SNRNP70: variants seen among roughly 807,000 people sequenced by gnomAD.
The protein encoded by SNRNP70 is U1 small nuclear ribonucleoprotein 70 kDa.
SNRNP70 carries 8 observed loss-of-function variants against 50.5 expected under a neutral mutation model. That is an observed-to-expected ratio of 0.16 (90% CI 0.09 to 0.29). The LOEUF (loss-of-function observed/expected upper bound fraction) is 0.29. Ranked by LOEUF, SNRNP70 falls within the 10% of genes least tolerant of loss-of-function variation. The pLI is 1.00. For missense variants in SNRNP70, 529 were observed against 663.5 expected, an observed-to-expected ratio of 0.80 and a Z score of 2.23; for synonymous variants, 320 against 252.9, an observed-to-expected ratio of 1.27 and a Z score of -2.52.
rs763328294 is a variant in SNRNP70 at position 49,108,433 on chromosome 19, C to T, written c.1304C>T (p.Ala435Val). 6.9e-6 allele frequency: 11 copies of T among 1,602,264 alleles called. No homozygotes were observed. The highest frequency in any genetic ancestry group is 1.7e-4 in the Middle Eastern group (1 of 6,056). ...GAGAATGGGTATTTGATGGAGGCTG[C>T]GCCGGAGTGAAGAGGTCGTCCTCTC... The part of the protein sequence containing the change: ...APENGYLMEA[A>V]PE Residue 435 changes from alanine to valine, a missense_variant, in exon 10 of 10, where the codon GCG becomes GTG. Ala to Val is a moderately conservative substitution (Grantham distance 64, BLOSUM62 0). Coordinates refer to ENST00000598441, the MANE Select transcript of SNRNP70 (RefSeq NM_003089.6).
In SNRNP70 at chr19:49,104,587, A is replaced by G; in HGVS notation, c.476-47A>G. 1 of 1,417,652 alleles carries G rather than the reference A, an allele frequency of 7.1e-7. No individual in the cohort carries two copies. 87.8% of individuals were successfully genotyped at this position (1,417,652 alleles called of 1,614,324 possible). A position where few individuals can be genotyped will look rare whatever the true frequency, so the allele number is the denominator to read the frequency against. ...GAGCTGGGCCTGTCCTGACTAGAGG[A>G]CCCTCTGGGGACTCCTCTCCCCTCC... On this transcript the variant is annotated intron_variant, in intron 7 of 9. Coordinates refer to ENST00000598441, the MANE Select transcript of SNRNP70 (RefSeq NM_003089.6). The surrounding 1 kb of genome is among the most constrained non-coding windows in gnomAD (Gnocchi z 5.4).
rs1173328838 is a variant in SNRNP70, at chr19:49,107,858, G to A, written c.729G>A (p.Glu243=). 6 of 1,561,876 alleles carry A rather than the reference G, an allele frequency of 3.8e-6. No individual in the cohort carries two copies. The African/African-American group carries it at 6.8e-5, about 18-fold the overall frequency. The change falls in exon 10 of 10, where the codon GAG becomes GAA. Residue 243 remains glutamate (E), a synonymous_variant. Transcript: ENST00000598441. The surrounding 1 kb of genome is among the most constrained non-coding windows in gnomAD (Gnocchi z 6.0). ...GGGACCGTGAGCGGGAGCGCAGAGA[G>A]CGGAGCCGGGAGCGAGACAAGGAGC... ...RDRDRERERR[E]RSRERDKERE...
chr19:49,089,820 G>A (rs1427913957), intron 2 of SNRNP70, among the ~76,000 whole-genome samples: 3 of 151,214 alleles, frequency 2.0e-5, no homozygotes, highest in East Asian at 3.9e-4. Flanking sequence ...CCACCACCAC[G>A]CCCGGCTAAT....
chr19:49,088,590 G>A (rs774180343), intron 2 of SNRNP70, among the ~76,000 whole-genome samples: 2 of 148,676 alleles, frequency 1.3e-5, no homozygotes, highest in African/African-American at 2.5e-5. Flanking sequence ...TCCACCTCCC[G>A]GGTTCAAAGG....
At chr19:49,099,067 G>T (rs1370692827) in intron 6 of SNRNP70, among the ~76,000 whole-genome samples, 1 of 152,198 alleles carries the variant, frequency 6.6e-6, no homozygotes, top group East Asian at 1.9e-4. Flanking sequence ...TACTCTCTGG[G>T]TCTTGGCAGA....
intron 6 of SNRNP70, among the ~76,000 whole-genome samples, chr19:49,099,095 C>T (rs1600283199): frequency 2.0e-5 from 3 of 152,118 alleles, no homozygotes; most frequent in East Asian, 1.9e-4. Flanking sequence ...TGCTGAGTCC[C>T]GTTTTAGAGG....
In SNRNP70 at chr19:49,107,736, T is replaced by G. The variant is rs747354820; in HGVS notation, c.665+24T>G. 1.2e-6 allele frequency: 2 copies of G among 1,613,332 alleles called. No homozygotes were observed. The highest frequency in any genetic ancestry group is 8.5e-7 in the Non-Finnish European group (1 of 1,179,750). On this transcript the variant is annotated intron_variant, in intron 9 of 9. Coordinates refer to ENST00000598441, the MANE Select transcript of SNRNP70 (RefSeq NM_003089.6). This position sits in a 1 kb window ranked among gnomAD's most constrained non-coding sequence, Gnocchi z 6.0. ...AGGTAAGATTGGGCGACCGGTGTCCTGGGGTGGGGGGCGGTCACGGGGGGA... is the reference window on the plus strand; with the variant it reads ...AGGTAAGATTGGGCGACCGGTGTCCGGGGGTGGGGGGCGGTCACGGGGGGA...
At chr19:49,093,853 AAAAC>A (rs767220973) in intron 4 of SNRNP70, among the ~76,000 whole-genome samples, 35 of 150,150 alleles carry the variant, frequency 2.3e-4, no homozygotes, top group African/African-American at 8.6e-4. Context: ...AACAAAAACA[AAAAC>A]AAAAACAAAA....
intron 2 of SNRNP70, among the ~76,000 whole-genome samples, 196 bp downstream of exon 2, chr19:49,086,757 C>T (rs1321952532): frequency 6.6e-6 from 1 of 152,038 alleles, no homozygotes; most frequent in Non-Finnish European, 1.5e-5. Context: ...GTAGTCTCAG[C>T]TACTCAGGAG....
At position 49,108,045 on chromosome 19, in the gene SNRNP70, AAGG is replaced by A. The variant is rs2040700044; in HGVS notation, c.922_924del (p.Glu308del). ...GCGGGCCCGGCGGGAGCGGGAGCGCAAGGAGGAGCTGCGTGGCGGCGGTGGCGA... is the reference window on the plus strand; with the variant it reads ...GCGGGCCCGGCGGGAGCGGGAGCGCAAGGAGCTGCGTGGCGGCGGTGGCGA... On this transcript the variant is annotated inframe_deletion, in exon 10 of 10. Transcript: ENST00000598441. 6.5e-7 allele frequency: 1 copy of A among 1,550,154 alleles called. No individual in the cohort carries two copies. The highest frequency in any genetic ancestry group is 8.7e-7 in the Non-Finnish European group (1 of 1,147,760).
chr19:49,098,066 C>T (rs1267073965), intron 4 of SNRNP70, among the ~76,000 whole-genome samples: 1 of 152,206 alleles, frequency 6.6e-6, no homozygotes, highest in Non-Finnish European at 1.5e-5. Context: ...CCAGGGAGGC[C>T]CAGTTGGGCT....
intron 8 of SNRNP70, among the ~76,000 whole-genome samples, chr19:49,105,088 G>T (rs147598110): frequency 6.6e-6 from 1 of 152,030 alleles, no homozygotes; most frequent in Non-Finnish European, 1.5e-5. Context: ...TGGCAGTGAC[G>T]CATGCTGGGG....
chr19:49,104,790 G>A lies in SNRNP70; in HGVS notation c.577+55G>A, dbSNP rs1318837162. 2 of 1,158,630 alleles carry A rather than the reference G, an allele frequency of 1.7e-6. No individual in the cohort carries two copies. Among genetic ancestry groups the A allele is most frequent in the African/African-American group, 1.6e-5 (1 of 64,056 alleles). The allele number at this position is 1,158,630 out of a possible 1,614,324, so 71.8% of individuals were successfully genotyped here. On this transcript the variant is annotated intron_variant, in intron 8 of 9. Transcript: ENST00000598441. This position sits in a 1 kb window ranked among gnomAD's most constrained non-coding sequence, Gnocchi z 5.4. ...CGGGGGCCCTGGGCCTGGTGGCCTT[G>A]TTCTCCCTTCTCTGCTGCTTTCTGC...
At chr19:49,089,365 A>G (rs1682285340) in intron 2 of SNRNP70, among the ~76,000 whole-genome samples, 1 of 151,976 alleles carries the variant, frequency 6.6e-6, no homozygotes, top group African/African-American at 2.4e-5. Context: ...AGAGACGGGC[A>G]CAGGGGGGAA....
chr19:49,090,029 T>C (rs1265193980), intron 2 of SNRNP70, among the ~76,000 whole-genome samples: 1 of 152,058 alleles, frequency 6.6e-6, no homozygotes, highest in African/African-American at 2.4e-5. Flanking sequence ...CAGGCTGGTC[T>C]GAAACCCCTA....
Position 49,108,103 on chromosome 19 carries a change from C to T in SNRNP70, c.974C>T (p.Ala325Val), listed in dbSNP as rs773466678. The T allele has an allele frequency of 1.6e-5, 25 of 1,549,386 alleles. No homozygotes were observed. Among genetic ancestry groups the T allele is most frequent in the South Asian group, 6.0e-5 (5 of 83,490 alleles). Residue 325 changes from alanine (A) to valine (V), a missense_variant, in exon 10 of 10, where the codon GCG becomes GTG. This residue lies in a region of SNRNP70 where 327 missense variants were observed against 308.8 expected (regional missense o/e 1.06). Coordinates refer to ENST00000598441, the MANE Select transcript of SNRNP70 (RefSeq NM_003089.6). ...GCGGAGCCCTCCGAGGCGGGTGACG[C>T]GCCCCCTGATGATGGGCCTCCAGGG... ...DMAEPSEAGD[A>V]PPDDGPPGEL...
chr19:49,092,295 G>A (rs558015161), intron 4 of SNRNP70, among the ~76,000 whole-genome samples: 1 of 151,792 alleles, frequency 6.6e-6, no homozygotes, highest in African/African-American at 2.4e-5. Flanking sequence ...TTTTAGTAGA[G>A]GCGGGGTTTC....
Position 49,107,576 on chromosome 19 carries a change from GGCCCTGTCCCT to G in SNRNP70, c.578-44_578-34del, listed in dbSNP as rs1193209361. The G allele has an allele frequency of 1.3e-6, 2 of 1,573,946 alleles. No individual in the cohort carries two copies. Among genetic ancestry groups the G allele is most frequent in the South Asian group, 2.2e-5 (2 of 90,302 alleles). On this transcript the variant is annotated intron_variant, in intron 8 of 9. Transcript: ENST00000598441. The surrounding 1 kb of genome is among the most constrained non-coding windows in gnomAD (Gnocchi z 6.0). ...GAGTCGGCTCATTTCTGCTCCTCCG[GGCCCTGTCCCT>G]GCCCAGATTCACCCTCTGTCCGTCT... is the stretch of plus-strand genomic sequence containing the variant.
At position 49,108,109 on chromosome 19, in the gene SNRNP70, C is replaced by G. The variant is rs771010445; in HGVS notation, c.980C>G (p.Pro327Arg). 11 of 1,549,938 alleles carry G rather than the reference C, an allele frequency of 7.1e-6. No individual in the cohort carries two copies. Among genetic ancestry groups the G allele is most frequent in the Non-Finnish European group, 9.6e-6 (11 of 1,148,246 alleles). ...AEPSEAGDAP[P>R]DDGPPGELGP... ...CCCTCCGAGGCGGGTGACGCGCCCC[C>G]TGATGATGGGCCTCCAGGGGAGCTC... is the stretch of plus-strand genomic sequence containing the variant. The change falls in exon 10 of 10, where the codon CCT becomes CGT. Residue 327 changes from proline (P) to arginine (R), a missense_variant. Pro to Arg is a moderately radical substitution (Grantham distance 103). This residue lies in a region of SNRNP70 where 327 missense variants were observed against 308.8 expected (regional missense o/e 1.06). Transcript: ENST00000598441.
Sources: gnomAD v4.1 joint callset for allele counts (sites outside exome capture counted in the v4.1 genomes callset) on GRCh38, gnomAD v4.1.1 for gene constraint, gnomAD v4.1.1 regional missense constraint, Gnocchi (gnomAD v3.1) non-coding constraint, MANE v1.5 for transcripts, NCBI Gene and HGNC (gene_info 2026-07-23, HGNC 2026-07-21) for gene names.